Variants in RPS6KA5 observed in about 807,000 individuals in gnomAD.
RPS6KA5 encodes ribosomal protein S6 kinase A5, also known as ribosomal protein S6 kinase alpha-5.
Under a neutral mutation model 85.5 loss-of-function variants are expected in RPS6KA5, and 27 were observed. That is an observed-to-expected ratio of 0.32 (90% confidence interval 0.23 to 0.44). RPS6KA5 has a LOEUF of 0.44. Among genes scored for constraint, RPS6KA5 ranks in the 20% least tolerant of loss-of-function variants. The pLI is 1.00. For synonymous variants in RPS6KA5, 334 were observed against 348.2 expected (o/e 0.96, Z 0.46); for missense variants, 811 against 980.9 (o/e 0.83, Z 2.31).
chr14:91,020,190 G>T (rs915985294), intron 1 of RPS6KA5, among the ~76,000 whole-genome samples: 5 of 149,762 alleles, frequency 3.3e-5, no homozygotes, highest in East Asian at 2.0e-4. Flanking sequence ...TGTTTATGTG[G>T]GTGTGTGTGT....
intron 3 of RPS6KA5, among the ~76,000 whole-genome samples, chr14:90,967,171 T>C (rs1165151062): frequency 2.0e-5 from 3 of 152,238 alleles, no homozygotes; most frequent in Admixed American, 6.5e-5. Context: ...GAATACCTTA[T>C]ATGATCCTTG....
In RPS6KA5 at chr14:90,852,014, T is replaced by G. The variant is rs549066280; in HGVS notation, c.*20060A>C. On this transcript the variant is annotated 3_prime_UTR_variant, in exon 17 of 17. Coordinates refer to ENST00000614987, the MANE Select transcript of RPS6KA5 (RefSeq NM_004755.4). ...AAACAGTATTATTCAGTAATAGTCC[T>G]AGTATATAAAAACGTGGCATTCATC... 6.6e-6 allele frequency: 1 copy of G among 151,942 alleles called. No individual in the cohort carries two copies. The highest frequency in any genetic ancestry group is 1.9e-4 in the East Asian group (1 of 5,178). 9.4% of individuals were successfully genotyped at this position (151,942 alleles called of 1,614,324 possible).
rs542607336 is a variant in RPS6KA5 at position 90,968,374 on chromosome 14, C to T, written c.394+9932G>A. The stretch of plus-strand genomic sequence containing the variant: ...CACACCAGATAATTCAGAATAATCT[C>T]TCAATTTTAGAGTCAGCTGATTAGT... On this transcript the variant is annotated intron_variant, in intron 3 of 16. Coordinates refer to ENST00000614987, the MANE Select transcript of RPS6KA5 (RefSeq NM_004755.4). Among the ~76,000 whole-genome samples the T allele has an allele frequency of 2.0e-5, 3 of 152,274 alleles. No homozygotes were observed. In the South Asian group the frequency reaches 6.2e-4, roughly 32 times the overall value.
intron 14 of RPS6KA5, among the ~76,000 whole-genome samples, chr14:90,885,219 C>A (rs1462353000): frequency 3.3e-4 from 49 of 148,440 alleles, no homozygotes; most frequent in Non-Finnish European, 6.5e-4. Flanking sequence ...TGCAACTACA[C>A]TTCAGCCTGG....
chr14:91,049,337 G>A lies in RPS6KA5; in HGVS notation c.103+10995C>T, dbSNP rs186460692. ...TGTGAAAAAAAGAGACAAGTCGGCCGGGCGCGGTGGCTCACGCCTGTAATC... is the reference window on the plus strand; with the variant it reads ...TGTGAAAAAAAGAGACAAGTCGGCCAGGCGCGGTGGCTCACGCCTGTAATC... On this transcript the variant is annotated intron_variant, in intron 1 of 16. Transcript: ENST00000614987. Among the ~76,000 whole-genome samples the A allele has an allele frequency of 1.1e-4, 17 of 152,276 alleles. No homozygotes were observed. In the East Asian group the frequency reaches 1.5e-3, roughly 14 times the overall value.
chr14:91,016,047 A>G (rs1287651953), intron 1 of RPS6KA5, among the ~76,000 whole-genome samples: 1 of 152,198 alleles, frequency 6.6e-6, no homozygotes, highest in Non-Finnish European at 1.5e-5. Context: ...AGAGAGCTAG[A>G]GCAGTGTGCA....
chr14:90,994,721 G>A (rs1006051486), intron 2 of RPS6KA5, among the ~76,000 whole-genome samples: 7 of 151,658 alleles, frequency 4.6e-5, no homozygotes, highest in South Asian at 2.1e-4. Context: ...ACAGGTGCCC[G>A]CCACCATGCC....
intron 3 of RPS6KA5, among the ~76,000 whole-genome samples, chr14:90,961,831 A>G (rs1267281096): frequency 6.6e-6 from 1 of 152,168 alleles, no homozygotes; most frequent in East Asian, 1.9e-4. Flanking sequence ...TGTACCTTGA[A>G]TGGAGGAATA....
At chr14:91,039,620 G>A (rs2042528305) in intron 1 of RPS6KA5, among the ~76,000 whole-genome samples, 1 of 152,166 alleles carries the variant, frequency 6.6e-6, no homozygotes, top group Non-Finnish European at 1.5e-5. Context: ...TCCCACCAGA[G>A]AACTAAGCCT....
chr14:90,889,294 CAAAAAAA>C (rs11450327), intron 14 of RPS6KA5, among the ~76,000 whole-genome samples: 4 of 71,240 alleles, frequency 5.6e-5, no homozygotes, highest in Admixed American at 3.8e-4. Context: ...ACTTTGTCTC[CAAAAAAA>C]AAAAAAAAAA....
At position 90,852,672 on chromosome 14, in the gene RPS6KA5, A is replaced by G. The variant is rs1358975490; in HGVS notation, c.*19402T>C. 4 of 152,194 alleles carry G rather than the reference A, an allele frequency of 2.6e-5. No homozygotes were observed. The East Asian group carries it at 5.8e-4, about 22-fold the overall frequency. The allele number at this position is 152,194 out of a possible 1,614,324, so 9.4% of individuals were successfully genotyped here. A position where few individuals can be genotyped will look rare whatever the true frequency, so the allele number is the denominator to read the frequency against. On this transcript the variant is annotated 3_prime_UTR_variant, in exon 17 of 17. Coordinates refer to ENST00000614987, the MANE Select transcript of RPS6KA5 (RefSeq NM_004755.4). The stretch of plus-strand genomic sequence containing the variant: ...TCCAACTTTTATTTTATCCACATTA[A>G]AAGTATTTGTCTTTAAACAAAAATA...
chr14:91,028,606 C>T (rs2042071576), intron 1 of RPS6KA5, among the ~76,000 whole-genome samples: 1 of 151,826 alleles, frequency 6.6e-6, no homozygotes, highest in Non-Finnish European at 1.5e-5. Context: ...GTAAGCTCTG[C>T]CTCCCAGGTT....
intron 2 of RPS6KA5, among the ~76,000 whole-genome samples, chr14:90,998,007 GAAAAAA>G (rs58227226): frequency 1.0e-4 from 6 of 59,902 alleles, no homozygotes; most frequent in Admixed American, 2.3e-4. Context: ...GACTCTGTCT[GAAAAAA>G]AAAAAAAAAA....
chr14:90,886,623 T>A (rs909691735), intron 14 of RPS6KA5, among the ~76,000 whole-genome samples: 5 of 152,228 alleles, frequency 3.3e-5, no homozygotes, highest in African/African-American at 1.2e-4. Flanking sequence ...CAGGTGGCCA[T>A]CTGTAATCCA....
intron 7 of RPS6KA5, among the ~76,000 whole-genome samples, chr14:90,909,363 G>A (rs965477365): frequency 6.6e-6 from 1 of 152,166 alleles, no homozygotes; most frequent in African/African-American, 2.4e-5. Flanking sequence ...ATTACAATTA[G>A]GTAGAGCCCA....
At chr14:90,916,910 T>G (rs1566737538) in intron 7 of RPS6KA5, among the ~76,000 whole-genome samples, 1 of 152,210 alleles carries the variant, frequency 6.6e-6, no homozygotes, top group Non-Finnish European at 1.5e-5. Flanking sequence ...GAACATTACT[T>G]TGTTCAGAAT....
In RPS6KA5 at chr14:90,923,097, CA is replaced by C; in HGVS notation, c.702+15del. On this transcript the variant is annotated intron_variant, in intron 6 of 16. Transcript: ENST00000614987. The stretch of plus-strand genomic sequence containing the variant: ...TTTATAGAAATACATAAAGAAGCAT[CA>C]AAAATAGAACATACCTTGTCATGTC... 1 of 1,578,758 alleles carries C rather than the reference CA, an allele frequency of 6.3e-7. No individual in the cohort carries two copies. The highest frequency in any genetic ancestry group is 8.7e-7 in the Non-Finnish European group (1 of 1,150,532).
chr14:90,872,195 G>C lies in RPS6KA5; in HGVS notation c.2288C>G (p.Ser763Cys). ...GTGAGAATGAGAGGAAGAAGAATGG[G>C]AACTCTCACTGGAACTGCTGCGCGT... ...TETRSSSSESSHSSSSHSHGK... is the reference protein window; with the variant it reads ...TETRSSSSESCHSSSSHSHGK... Residue 763 changes from serine (S) to cysteine (C), a missense_variant, in exon 17 of 17, where the codon TCC becomes TGC. Ser to Cys is a moderately radical substitution (Grantham distance 112). Around this residue, in one of 3 missense-constraint regions of RPS6KA5, gnomAD observed 650 missense variants for 793.4 expected, o/e 0.82. Transcript: ENST00000614987. The C allele has an allele frequency of 6.2e-7, 1 of 1,613,896 alleles. No individual in the cohort carries two copies. Among genetic ancestry groups the C allele is most frequent in the Non-Finnish European group, 8.5e-7 (1 of 1,179,972 alleles).
chr14:90,937,771 C>T lies in RPS6KA5; in HGVS notation c.618+5307G>A, dbSNP rs118057859. On this transcript the variant is annotated intron_variant, in intron 5 of 16. Coordinates refer to ENST00000614987, the MANE Select transcript of RPS6KA5 (RefSeq NM_004755.4). ...TTTTAAACAGTCAGATCTTGCAAGA[C>T]TTACTCATTATCATGAGAACAGCAT... Among the ~76,000 whole-genome samples the T allele has an allele frequency of 1.1e-3, 172 of 152,304 alleles. 1 individual carries two copies. In the East Asian group the frequency reaches 0.018, roughly 16 times the overall value.
Sources: gnomAD v4.1 joint callset for allele counts (sites outside exome capture counted in the v4.1 genomes callset) on GRCh38, gnomAD v4.1.1 for gene constraint, gnomAD v4.1.1 regional missense constraint, MANE v1.5 for transcripts, NCBI Gene and HGNC (gene_info 2026-07-23, HGNC 2026-07-21) for gene names.